The following LRRC4C variants were observed in gnomAD, a reference collection of about 807,000 sequenced individuals.
LRRC4C encodes the protein leucine rich repeat containing 4C, also known as leucine-rich repeat-containing protein 4C.
A neutral mutation model predicts 33.6 loss-of-function variants in LRRC4C; 5 were observed. The observed-to-expected ratio is 0.15, with a 90% CI of 0.08 to 0.31. The LOEUF (loss-of-function observed/expected upper bound fraction) is 0.31. LRRC4C is among the 10% of genes least tolerant of loss of function. The pLI is 1.00. For synonymous variants in LRRC4C, 329 were observed against 302.0 expected (o/e 1.09, Z -0.93); for missense variants, 560 against 796.7 (o/e 0.70, Z 3.58).
At chr11:40,200,081 G>A (rs564951173) in intron 5 of LRRC4C, among the ~76,000 whole-genome samples, 3 of 149,652 alleles carry the variant, frequency 2.0e-5, no homozygotes, top group African/African-American at 7.4e-5. Context: ...TGTGGCTCGT[G>A]CCTGTAATCC....
intron 3 of LRRC4C, among the ~76,000 whole-genome samples, chr11:40,597,058 A>G (rs1302960720): frequency 6.6e-6 from 1 of 152,214 alleles, no homozygotes; most frequent in Admixed American, 6.5e-5. Context: ...ATATAGAATG[A>G]GATTTATACT....
intron 2 of LRRC4C, among the ~76,000 whole-genome samples, chr11:40,677,415 A>C (rs1944461091): frequency 6.6e-6 from 1 of 152,106 alleles, no homozygotes; most frequent in Non-Finnish European, 1.5e-5. Flanking sequence ...AAACATATGA[A>C]CATATATTAG....
intron 1 of LRRC4C, among the ~76,000 whole-genome samples, chr11:41,262,029 A>C (rs1030548444): frequency 6.6e-6 from 1 of 152,070 alleles, no homozygotes. Context: ...AAAATCCTGG[A>C]ATAGAAGCAG....
chr11:41,371,331 C>T (rs1952739801), intron 1 of LRRC4C, among the ~76,000 whole-genome samples: 1 of 152,204 alleles, frequency 6.6e-6, no homozygotes, highest in Non-Finnish European at 1.5e-5. Context: ...TTTCCAAAAT[C>T]TTTTAAGTGC....
chr11:40,459,373 G>A (rs919849947), intron 3 of LRRC4C, among the ~76,000 whole-genome samples: 1 of 152,100 alleles, frequency 6.6e-6, no homozygotes, highest in Non-Finnish European at 1.5e-5. Context: ...AGCAGTGATC[G>A]TCAGCACTCA....
intron 1 of LRRC4C, among the ~76,000 whole-genome samples, chr11:41,450,689 T>C (rs894214499): frequency 6.6e-6 from 1 of 152,170 alleles, no homozygotes; most frequent in Admixed American, 6.6e-5. Flanking sequence ...ATTAAATGTG[T>C]GACAGCTATT....
rs1443488954 is a variant in LRRC4C, at chr11:40,495,812, TG to T, written c.-270+152329del. On this transcript the variant is annotated intron_variant, in intron 3 of 6. Coordinates refer to ENST00000528697, the MANE Select transcript of LRRC4C (RefSeq NM_001258419.2). Reference sequence around the variant, plus strand: ...ATTTTATTGAAGTTCTCAATAAACATGTTTTTTTTTTTTTTTTTTTTTTTTT... The same window carrying T: ...ATTTTATTGAAGTTCTCAATAAACATTTTTTTTTTTTTTTTTTTTTTTTTT... 8.2e-4 allele frequency among the ~76,000 whole-genome samples: 97 copies of T among 118,212 alleles called. 1 individual carries two copies. Among genetic ancestry groups the T allele is most frequent in the Non-Finnish European group, 1.3e-3 (76 of 58,078 alleles). The allele number at this position is 118,212 out of a possible 152,430, so 77.6% of individuals were successfully genotyped here.
At chr11:40,840,332 T>A (rs922709839) in intron 2 of LRRC4C, among the ~76,000 whole-genome samples, 4 of 152,188 alleles carry the variant, frequency 2.6e-5, no homozygotes, top group African/African-American at 9.6e-5. Flanking sequence ...CTACCAACAT[T>A]ATTTCTATGT....
chr11:40,346,712 T>C (rs1413491308), intron 3 of LRRC4C, among the ~76,000 whole-genome samples: 1 of 152,170 alleles, frequency 6.6e-6, no homozygotes, highest in Admixed American at 6.6e-5. Context: ...TAAACGTTTT[T>C]TTAAAAGCAA....
At chr11:41,327,480 A>G (rs1368145440) in intron 1 of LRRC4C, among the ~76,000 whole-genome samples, 1 of 152,212 alleles carries the variant, frequency 6.6e-6, no homozygotes, top group African/African-American at 2.4e-5. Context: ...ACCCAAGTGT[A>G]CAAATAAACT....
Position 40,726,245 on chromosome 11 carries a change from T to C in LRRC4C, c.-406-77967A>G, listed in dbSNP as rs183200425. Among the ~76,000 whole-genome samples the C allele has an allele frequency of 3.3e-3, 495 of 152,130 alleles. 3 individuals carry two copies. The highest frequency in any genetic ancestry group is 0.011 in the African/African-American group (446 of 41,522). On this transcript the variant is annotated intron_variant, in intron 2 of 6. Coordinates refer to ENST00000528697, the MANE Select transcript of LRRC4C (RefSeq NM_001258419.2). Reference sequence around the variant, plus strand: ...TGTACAAATGAGAGCTGGTGTCAATTCTACTGAAACTATTCCAGAAAAATC... The same window carrying C: ...TGTACAAATGAGAGCTGGTGTCAATCCTACTGAAACTATTCCAGAAAAATC...
Position 40,867,451 on chromosome 11 carries a change from G to A in LRRC4C, c.-407+66184C>T, listed in dbSNP as rs554528220. Among the ~76,000 whole-genome samples, 3 of 152,230 alleles carry A rather than the reference G, an allele frequency of 2.0e-5. No homozygotes were observed. In the South Asian group the frequency reaches 6.2e-4, roughly 32 times the overall value. On this transcript the variant is annotated intron_variant, in intron 2 of 6. Coordinates refer to ENST00000528697, the MANE Select transcript of LRRC4C (RefSeq NM_001258419.2). ...GCTAAATGAGAAACATATCAGCATT[G>A]GTGACTCTTAAAGTAATTAGTATCA...
intron 1 of LRRC4C, among the ~76,000 whole-genome samples, chr11:40,992,089 C>T (rs543643704): frequency 1.3e-5 from 2 of 152,294 alleles, no homozygotes; most frequent in East Asian, 3.9e-4. Context: ...TCACATATCA[C>T]ATATCCACAA....
chr11:40,887,790 C>T (rs1955530690), intron 2 of LRRC4C, among the ~76,000 whole-genome samples: 1 of 151,932 alleles, frequency 6.6e-6, no homozygotes, highest in African/African-American at 2.4e-5. Flanking sequence ...TGCCAATTCT[C>T]TAGAATATTA....
intron 3 of LRRC4C, among the ~76,000 whole-genome samples, chr11:40,568,076 A>C (rs1957836801): frequency 6.6e-6 from 1 of 152,196 alleles, no homozygotes; most frequent in Non-Finnish European, 1.5e-5. Context: ...GCTGGACCTC[A>C]GGACATGCTT....
chr11:40,416,991 A>G (rs1950346279), intron 3 of LRRC4C, among the ~76,000 whole-genome samples: 1 of 152,226 alleles, frequency 6.6e-6, no homozygotes, highest in Non-Finnish European at 1.5e-5. Context: ...GGAATGTTCA[A>G]ATGAGGTTTG....
intron 2 of LRRC4C, among the ~76,000 whole-genome samples, chr11:40,776,305 G>C (rs923518012): frequency 4.6e-5 from 7 of 150,930 alleles, no homozygotes; most frequent in African/African-American, 1.5e-4. Flanking sequence ...CAGTAGAATT[G>C]GTACCAGCTC....
intron 1 of LRRC4C, among the ~76,000 whole-genome samples, chr11:40,983,773 C>A (rs1037623311): frequency 6.6e-6 from 1 of 151,980 alleles, no homozygotes; most frequent in African/African-American, 2.4e-5. Flanking sequence ...TAGAGAAATG[C>A]AAATCAAAAT....
At chr11:40,539,105 T>C (rs1271981458) in intron 3 of LRRC4C, among the ~76,000 whole-genome samples, 2 of 152,206 alleles carry the variant, frequency 1.3e-5, no homozygotes, top group Non-Finnish European at 2.9e-5. Context: ...GACCAAGCTT[T>C]TTCAGTGGTC....
Sources: allele counts gnomAD v4.1 joint callset (sites outside exome capture counted in the v4.1 genomes callset), GRCh38; gene constraint gnomAD v4.1.1; transcripts MANE v1.5; gene names NCBI Gene and HGNC (gene_info 2026-07-23, HGNC 2026-07-21).